MED21: variants seen among roughly 807,000 people sequenced by gnomAD.
MED21 encodes mediator complex subunit 21.
A neutral mutation model predicts 18.2 loss-of-function variants in MED21; 9 were observed. The ratio of observed to expected loss-of-function variants is 0.49; its 90% CI spans 0.30 to 0.86. The LOEUF (loss-of-function observed/expected upper bound fraction) is 0.86, where lower values mean the gene tolerates loss of function less well. MED21 is among the 40% of genes least tolerant of loss of function. MED21 has a pLI of 0.07. For synonymous variants in MED21, 73 were observed against 60.5 expected, an observed-to-expected ratio of 1.21 and a Z score of -0.96; for missense variants, 150 against 170.9, an observed-to-expected ratio of 0.88 and a Z score of 0.68.
chr12:27,026,567 ACT>A (rs1311063610), intron 2 of MED21, 33 bp downstream of exon 2: 3 of 1,360,930 alleles, frequency 2.2e-6, no homozygotes, highest in South Asian at 2.4e-5. Flanking sequence ...TCTTAGTTTG[ACT>A]CTCACATTTT....
At position 27,030,577 on chromosome 12, in the gene MED21, A is replaced by G. The variant is rs1196077731; in HGVS notation, c.*2116A>G. ...AAATTTTATTTTATTTCATTAATAC[A>G]GCAATAATTAAATGTCAATGATCTA... On this transcript the variant is annotated 3_prime_UTR_variant, in exon 4 of 4. Coordinates refer to ENST00000282892, the MANE Select transcript of MED21 (RefSeq NM_004264.5). 1 of 171,774 alleles carries G rather than the reference A, an allele frequency of 5.8e-6. No individual in the cohort carries two copies. Among genetic ancestry groups the G allele is most frequent in the South Asian group, 2.0e-4 (1 of 5,008 alleles). 10.6% of individuals were successfully genotyped at this position (171,774 alleles called of 1,614,324 possible). A position where few individuals can be genotyped will look rare whatever the true frequency, so the allele number is the denominator to read the frequency against.
chr12:27,028,954 T>TA lies in MED21; in HGVS notation c.*494dup, dbSNP rs1364786991. 1 of 985,424 alleles carries TA rather than the reference T, an allele frequency of 1.0e-6. No individual in the cohort carries two copies. The highest frequency in any genetic ancestry group is 1.7e-5 in the African/African-American group (1 of 57,224). 61.0% of individuals were successfully genotyped at this position (985,424 alleles called of 1,614,324 possible). On this transcript the variant is annotated 3_prime_UTR_variant, in exon 4 of 4. Coordinates refer to ENST00000282892, the MANE Select transcript of MED21 (RefSeq NM_004264.5). ...TGGAAATTGTGTTGCTTTTAAGAAA[T>TA]AGAGTTAGTGTGGCTGGATAAGAAA... is the stretch of plus-strand genomic sequence containing the variant.
Position 27,029,887 on chromosome 12 carries a change from T to C in MED21, c.*1426T>C. The C allele has an allele frequency of 3.2e-6, 3 of 926,856 alleles. No individual in the cohort carries two copies. Among genetic ancestry groups the C allele is most frequent in the Non-Finnish European group, 4.0e-6 (3 of 751,572 alleles). The allele number at this position is 926,856 out of a possible 1,614,324, so 57.4% of individuals were successfully genotyped here. ...AGAAAAGGTCAAGACATTTTTCAAA[T>C]GAGGGAAAACTAACAGGATTTATCA... On this transcript the variant is annotated 3_prime_UTR_variant, in exon 4 of 4. Transcript: ENST00000282892.
Position 27,037,601 on chromosome 12 carries a change from A to G in MED21, n.147-8553A>G, listed in dbSNP as rs1205112992. ...AAATTAGAGACAGTGGGTATTAACA[A>G]TTGCATATATCACAATAAATGTATG... On this transcript the variant is annotated intron_variant and non_coding_transcript_variant, in intron 2 of 4. Coordinates refer to the MED21 transcript ENST00000538186. 4.6e-5 allele frequency: 7 copies of G among 152,314 alleles called. No homozygotes were observed. In the East Asian group the frequency reaches 9.6e-4, roughly 21 times the overall value. 9.4% of individuals were successfully genotyped at this position (152,314 alleles called of 1,614,324 possible).
At chr12:27,022,694 G>A in intron 1 of MED21, 73 bp downstream of exon 1, 3 of 1,611,982 alleles carry the variant, frequency 1.9e-6, no homozygotes, top group Non-Finnish European at 1.7e-6. Flanking sequence ...AGGGGCCCAA[G>A]AGGCAAAACT....
downstream of MED21, among the ~76,000 whole-genome samples, chr12:27,031,856 C>T (rs766952792): frequency 1.3e-5 from 2 of 152,090 alleles, no homozygotes; most frequent in African/African-American, 4.8e-5. Context: ...GCCCTTATTG[C>T]TAAATGAGGT....
At chr12:27,025,148 A>G (rs1034147186) in intron 1 of MED21, among the ~76,000 whole-genome samples, 6 of 152,220 alleles carry the variant, frequency 3.9e-5, no homozygotes, top group Non-Finnish European at 8.8e-5. Flanking sequence ...TGTTTCCTCT[A>G]TTACAACAAT....
chr12:27,023,151 ATCT>A (rs1458095696), intron 1 of MED21, among the ~76,000 whole-genome samples: 1 of 151,836 alleles, frequency 6.6e-6, no homozygotes, highest in African/African-American at 2.4e-5. Flanking sequence ...ATTTTCTTTC[ATCT>A]TAGCTCGTTC....
intron 2 of MED21, among the ~76,000 whole-genome samples, chr12:27,036,832 G>C (rs1442704731): frequency 1.3e-5 from 2 of 152,182 alleles, no homozygotes. Flanking sequence ...TGCTGTTTTG[G>C]TTACTGTAGC....
At chr12:27,034,760 CTT>C (rs1044501480), downstream of MED21, among the ~76,000 whole-genome samples, 5 of 151,996 alleles carry the variant, frequency 3.3e-5, no homozygotes, top group African/African-American at 1.2e-4. Context: ...AGTCAAAACT[CTT>C]TTTTGGAAAC....
In MED21 at chr12:27,028,822, A is replaced by G. The variant is rs1941579118; in HGVS notation, c.*361A>G. 1.0e-6 allele frequency: 1 copy of G among 995,434 alleles called. No individual in the cohort carries two copies. Among genetic ancestry groups the G allele is most frequent in the Non-Finnish European group, 1.2e-6 (1 of 835,858 alleles). The allele number at this position is 995,434 out of a possible 1,614,324, so 61.7% of individuals were successfully genotyped here. On this transcript the variant is annotated 3_prime_UTR_variant, in exon 4 of 4. Coordinates refer to ENST00000282892, the MANE Select transcript of MED21 (RefSeq NM_004264.5). ...TACAAATCAAAACATCTCTCAAGCCAAAGGAGAAGACAGTAAGAACAGACA... is the reference window on the plus strand; with the variant it reads ...TACAAATCAAAACATCTCTCAAGCCGAAGGAGAAGACAGTAAGAACAGACA...
At position 27,028,861 on chromosome 12, in the gene MED21, A is replaced by T; in HGVS notation, c.*400A>T. 1 of 987,938 alleles carries T rather than the reference A, an allele frequency of 1.0e-6. No individual in the cohort carries two copies. The highest frequency in any genetic ancestry group is 1.2e-6 in the Non-Finnish European group (1 of 831,482). 61.2% of individuals were successfully genotyped at this position (987,938 alleles called of 1,614,324 possible). A position where few individuals can be genotyped will look rare whatever the true frequency, so the allele number is the denominator to read the frequency against. On this transcript the variant is annotated 3_prime_UTR_variant, in exon 4 of 4. Transcript: ENST00000282892. Reference sequence around the variant, plus strand: ...TAAGAACAGACATAAGGGACATTTTAGTTTGGGCTAGTGTCCTGCCTCTTA... The same window carrying T: ...TAAGAACAGACATAAGGGACATTTTTGTTTGGGCTAGTGTCCTGCCTCTTA...
downstream of MED21, among the ~76,000 whole-genome samples, chr12:27,030,950 C>T (rs182592117): frequency 7.9e-5 from 12 of 152,258 alleles, no homozygotes; most frequent in Admixed American, 7.9e-4. Context: ...CACTCTTGTC[C>T]AGGCTGGAGT....
intron 1 of MED21, among the ~76,000 whole-genome samples, chr12:27,024,004 T>C (rs1167063143): frequency 1.3e-5 from 2 of 152,214 alleles, no homozygotes; most frequent in Non-Finnish European, 2.9e-5. Context: ...CGCATTGCGC[T>C]ACAGCGTTAG....
chr12:27,028,391 TTGC>T lies in MED21; in HGVS notation c.368_370del (p.Ala123del). The stretch of plus-strand genomic sequence containing the variant: ...CTTCTGGAGAAGATACAAAGCGCAC[TTGC>T]TGATATTGCACAGTCACAGCTGAAG... On this transcript the variant is annotated inframe_deletion, in exon 4 of 4. Coordinates refer to ENST00000282892, the MANE Select transcript of MED21 (RefSeq NM_004264.5). The T allele has an allele frequency of 5.0e-6, 8 of 1,614,146 alleles. No individual in the cohort carries two copies. Among genetic ancestry groups the T allele is most frequent in the Non-Finnish European group, 6.8e-6 (8 of 1,179,988 alleles).
chr12:27,033,300 C>CA (rs563665605), downstream of MED21, among the ~76,000 whole-genome samples: 93 of 152,272 alleles, frequency 6.1e-4, no homozygotes, highest in African/African-American at 2.2e-3. Flanking sequence ...GGCACCTTCT[C>CA]ACTGTCCTCA....
rs71437317 is a variant in MED21 at position 27,023,300 on chromosome 12, C to CTTTTTTTTT, written c.42+688_42+696dup. 4.6e-3 allele frequency among the ~76,000 whole-genome samples: 507 copies of CTTTTTTTTT among 110,146 alleles called. 4 individuals are homozygous for CTTTTTTTTT. The highest frequency in any genetic ancestry group is 6.4e-3 in the Non-Finnish European group (372 of 58,466). 72.3% of individuals were successfully genotyped at this position (110,146 alleles called of 152,430 possible). On this transcript the variant is annotated intron_variant, in intron 1 of 3. Transcript: ENST00000282892. ...CGCTTATTTGAGTCTTTTTTCTTTT[C>CTTTTTTTTT]TTTTTTTTTTTTTTTTTACTTTGGA...
chr12:27,037,780 A>G (rs1326784727), intron 2 of MED21: 1 of 152,240 alleles, frequency 6.6e-6, no homozygotes, highest in African/African-American at 2.4e-5. Context: ...ACATAAAATA[A>G]TGACGTGTTT....
chr12:27,035,934 A>G (rs922507094), intron 2 of MED21, among the ~76,000 whole-genome samples: 1 of 152,158 alleles, frequency 6.6e-6, no homozygotes, highest in Non-Finnish European at 1.5e-5. Flanking sequence ...CATGATTTAT[A>G]GTCCTTTGGG....
Sources: gnomAD v4.1 joint callset for allele counts (sites outside exome capture counted in the v4.1 genomes callset) on GRCh38, gnomAD v4.1.1 for gene constraint, MANE v1.5 for transcripts, NCBI Gene and HGNC (gene_info 2026-07-23, HGNC 2026-07-21) for gene names.